Variants in ARFGAP2 observed in about 807,000 individuals in gnomAD.
ARFGAP2 encodes ARF GTPase activating protein 2.
In ARFGAP2, 45 loss-of-function variants were observed where a neutral mutation model predicts 71.9. The observed-to-expected ratio is 0.63, with a 90% CI of 0.49 to 0.80. ARFGAP2 has a LOEUF of 0.80. Ranked by LOEUF, ARFGAP2 falls within the 30% of genes least tolerant of loss-of-function variation. The pLI is 0.00. For missense variants in ARFGAP2, 633 were observed against 673.9 expected (o/e 0.94, Z 0.67); for synonymous variants, 248 against 249.2 (o/e 1.00, Z 0.05).
chr11:47,175,832 GA>G lies in ARFGAP2; in HGVS notation c.264+18del, dbSNP rs766908259. On this transcript the variant is annotated intron_variant, in intron 3 of 15. Transcript: ENST00000524782. ...CCAGGCAGAAGAATGGAAGGTGAGG[GA>G]AGTAGAAGGAGCTTTACCGCATTGG... 1.2e-6 allele frequency: 2 copies of G among 1,614,084 alleles called. No individual in the cohort carries two copies. Among genetic ancestry groups the G allele is most frequent in the South Asian group, 2.2e-5 (2 of 91,086 alleles).
At chr11:47,173,996 T>C in intron 5 of ARFGAP2, 156 bp from the exon 6 acceptor site, 2 of 1,416,806 alleles carry the variant, frequency 1.4e-6, no homozygotes, top group East Asian at 5.0e-5. Flanking sequence ...TGCTATTCAC[T>C]GTGGAAGAAA....
chr11:47,165,498 C>T lies in ARFGAP2; in HGVS notation c.1550G>A (p.Arg517His), dbSNP rs556699713. 1.2e-5 allele frequency: 18 copies of T among 1,558,568 alleles called. No homozygotes were observed. Among genetic ancestry groups the T allele is most frequent in the South Asian group, 3.6e-5 (3 of 83,908 alleles). The change falls in exon 16 of 16, where the codon CGC becomes CAC. Residue 517 changes from arginine (R) to histidine (H), a missense_variant. Transcript: ENST00000524782. The stretch of plus-strand genomic sequence containing the variant: ...GAGCTCGGATCAGTAGGAACCGTAG[C>T]GATCCTGGGGGCGAGGGGGGAGAAA... ...ANGVMNSLQDRYGSY is the reference protein window; with the variant it reads ...ANGVMNSLQDHYGSY
In ARFGAP2 at chr11:47,175,896, G is replaced by A. The variant is rs1952794378; in HGVS notation, c.219C>T (p.Asn73=). 6.2e-7 allele frequency: 1 copy of A among 1,614,160 alleles called. No homozygotes were observed. The highest frequency in any genetic ancestry group is 8.5e-7 in the Non-Finnish European group (1 of 1,180,028). The stretch of plus-strand genomic sequence containing the variant: ...CCTGCATACACCTCAGCTGGAACCA[G>A]TTCCAGTTGGAATCCAACTCTGTGG... ...IRSTELDSNW[N]WFQLRCMQVG... Residue 73 remains asparagine (N), a synonymous_variant, in exon 3 of 16, where the codon AAC becomes AAT. Transcript: ENST00000524782.
rs371812710 is a variant in ARFGAP2 at position 47,175,329 on chromosome 11, G to A, written c.265-16C>T. The stretch of plus-strand genomic sequence containing the variant: ...AAAAAGCCGTCTGGAGAGCAAAGAA[G>A]AGAGCAGCGCGTGCTACGGGTGATT... On this transcript the variant is annotated splice_polypyrimidine_tract_variant and intron_variant, in intron 3 of 15. Transcript: ENST00000524782. The A allele has an allele frequency of 2.5e-5, 40 of 1,613,924 alleles. No individual in the cohort carries two copies. The African/African-American group carries it at 4.9e-4, about 20-fold the overall frequency.
At chr11:47,166,035 T>G (rs976544228) in intron 15 of ARFGAP2, among the ~76,000 whole-genome samples, 1 of 152,170 alleles carries the variant, frequency 6.6e-6, no homozygotes, top group Non-Finnish European at 1.5e-5. Flanking sequence ...CAGCTAATTT[T>G]GTATTTTTAG....
chr11:47,166,799 G>A lies in ARFGAP2; in HGVS notation c.1293C>T (p.Ile431=), dbSNP rs780684381. ...ARQKFAGAKA[I]SSDMFFGREV... ...CCCGCCCAAAGAACATGTCAGATGA[G>A]ATGGCTTTGGCTCCTGCGAATTTCT... is the stretch of plus-strand genomic sequence containing the variant. The change falls in exon 13 of 16, where the codon ATC becomes ATT. Residue 431 remains isoleucine, a synonymous_variant. Coordinates refer to ENST00000524782, the MANE Select transcript of ARFGAP2 (RefSeq NM_032389.6). 6.2e-7 allele frequency: 1 copy of A among 1,614,142 alleles called. No individual in the cohort carries two copies. The highest frequency in any genetic ancestry group is 8.5e-7 in the Non-Finnish European group (1 of 1,180,044).
intron 10 of ARFGAP2, 178 bp from the exon 11 acceptor site, chr11:47,168,429 C>A: frequency 1.4e-6 from 1 of 714,072 alleles, no homozygotes; most frequent in Non-Finnish European, 2.2e-6. Flanking sequence ...GTGTGGTGAC[C>A]TGTGAAGCAC....
chr11:47,176,308 A>G, intron 2 of ARFGAP2: 1 of 601,908 alleles, frequency 1.7e-6, no homozygotes, highest in Non-Finnish European at 2.9e-6. Context: ...AAAAAGAGGA[A>G]GTTTTGGCCC....
chr11:47,166,180 C>G (rs896047589), intron 15 of ARFGAP2, 88 bp downstream of exon 15: 6 of 1,380,390 alleles, frequency 4.3e-6, no homozygotes, highest in Non-Finnish European at 5.1e-6. Context: ...TCTTAAGGCT[C>G]AGAGGGGCTG....
rs1290398943 is a variant in ARFGAP2 at position 47,165,808 on chromosome 11, C to T, written c.1546-306G>A. ...ATCTTGGAGAGGCCCGGCCCTGGCA[C>T]GGAGCTGAAAGGAAGGAAGCTGCCC... is the stretch of plus-strand genomic sequence containing the variant. On this transcript the variant is annotated intron_variant, in intron 15 of 15. Coordinates refer to ENST00000524782, the MANE Select transcript of ARFGAP2 (RefSeq NM_032389.6). 3.9e-5 allele frequency among the ~76,000 whole-genome samples: 6 copies of T among 152,150 alleles called. No individual in the cohort carries two copies. In the South Asian group the frequency reaches 6.2e-4, roughly 16 times the overall value.
intron 10 of ARFGAP2, among the ~76,000 whole-genome samples, chr11:47,170,323 C>CAA (rs34843394): frequency 9.5e-5 from 7 of 73,940 alleles, no homozygotes; most frequent in Admixed American, 1.6e-4. Flanking sequence ...GACTCCATCT[C>CAA]AAAAAAAAAA....
At chr11:47,168,408 A>C in intron 10 of ARFGAP2, 157 bp from the exon 11 acceptor site, 2 of 935,572 alleles carry the variant, frequency 2.1e-6, no homozygotes, top group Non-Finnish European at 3.1e-6. Flanking sequence ...CCCCAACAGA[A>C]GGCTAGCTGT....
chr11:47,175,782 T>C, intron 3 of ARFGAP2, 69 bp downstream of exon 3: 2 of 1,582,690 alleles, frequency 1.3e-6, no homozygotes, highest in South Asian at 1.1e-5. Context: ...ACAGGGCCTC[T>C]TAGGGAGTCG....
At chr11:47,173,903 G>C (rs1282982920) in intron 5 of ARFGAP2, 63 bp from the exon 6 acceptor site, 62 of 1,550,972 alleles carry the variant, frequency 4.0e-5, no homozygotes, top group Non-Finnish European at 5.4e-5. Flanking sequence ...GAAGCACCAA[G>C]ACCTACAAGC....
chr11:47,173,315 C>T (rs1469748295), intron 7 of ARFGAP2, 111 bp downstream of exon 7: 9 of 1,237,348 alleles, frequency 7.3e-6, no homozygotes, highest in East Asian at 2.5e-5. Context: ...CAGATAGATG[C>T]TCAGTCTCCT....
chr11:47,168,298 AG>A, intron 10 of ARFGAP2, 47 bp from the exon 11 acceptor site: 1 of 1,611,044 alleles, frequency 6.2e-7, no homozygotes, highest in South Asian at 1.1e-5. Context: ...GATAGGCATC[AG>A]CATCACCGCA....
chr11:47,166,945 TAC>T, intron 12 of ARFGAP2, 59 bp from the exon 13 acceptor site: 1 of 1,576,638 alleles, frequency 6.3e-7, no homozygotes, highest in Non-Finnish European at 8.6e-7. Flanking sequence ...GGAGGCAGAG[TAC>T]AGAGGCCAAA....
chr11:47,173,696 C>T, intron 6 of ARFGAP2, 63 bp downstream of exon 6: 2 of 1,532,182 alleles, frequency 1.3e-6, no homozygotes, highest in Non-Finnish European at 8.8e-7. Context: ...CAGATGTCCC[C>T]TTCCAAACCC....
Position 47,168,144 on chromosome 11 carries a change from G to C in ARFGAP2, c.1049C>G (p.Thr350Ser). Residue 350 changes from threonine to serine, a missense_variant, in exon 11 of 16, where the codon ACT becomes AGT. By Grantham distance (58) the Thr-to-Ser change is moderately conservative. Coordinates refer to ENST00000524782, the MANE Select transcript of ARFGAP2 (RefSeq NM_032389.6). ...SQLDLFDDVG[T>S]FASGPPKYKD... ...TTACTTTGGGGGTCCAGAGGCGAAA[G>C]TACCAACATCGTCAAACAAGTCCAG... 1 of 1,614,226 alleles carries C rather than the reference G, an allele frequency of 6.2e-7. No individual in the cohort carries two copies. Among genetic ancestry groups the C allele is most frequent in the Non-Finnish European group, 8.5e-7 (1 of 1,180,050 alleles).
Sources: gnomAD v4.1 joint callset for allele counts (sites outside exome capture counted in the v4.1 genomes callset) on GRCh38, gnomAD v4.1.1 for gene constraint, MANE v1.5 for transcripts, NCBI Gene and HGNC (gene_info 2026-07-23, HGNC 2026-07-21) for gene names.